DTHD1: variants seen among roughly 807,000 people sequenced by gnomAD.
The protein encoded by DTHD1 is death domain containing 1.
DTHD1 carries 59 observed loss-of-function variants against 74.8 expected under a neutral mutation model. The observed-to-expected ratio is 0.79, with a 90% CI of 0.64 to 0.98. The LOEUF is 0.98. Among genes scored for constraint, DTHD1 ranks in the 50% least tolerant of loss-of-function variants. The pLI is 0.00. For synonymous variants in DTHD1, 365 were observed against 371.1 expected (o/e 0.98, Z 0.19); for missense variants, 1,051 against 1,065.4 (o/e 0.99, Z 0.19).
At chr4:36,343,374 T>C in intron 9 of DTHD1, 128 bp from the exon 10 acceptor site, 1 of 814,214 alleles carries the variant, frequency 1.2e-6, no homozygotes, top group South Asian at 2.1e-5. Flanking sequence ...GGTAGTCTCA[T>C]ATCTCTGCAC....
At chr4:36,320,297 A>T (rs1192289442) in intron 8 of DTHD1, among the ~76,000 whole-genome samples, 1 of 152,190 alleles carries the variant, frequency 6.6e-6, no homozygotes, top group Non-Finnish European at 1.5e-5. Flanking sequence ...GAATGCATGC[A>T]ACGAACTGCG....
intron 8 of DTHD1, among the ~76,000 whole-genome samples, chr4:36,322,618 C>T (rs532277322): frequency 3.9e-5 from 6 of 152,044 alleles, no homozygotes; most frequent in Admixed American, 2.0e-4. Flanking sequence ...ATGGTCAGTG[C>T]GCATGTGAGG....
Position 36,346,061 on chromosome 4 carries a change from ACT to A in DTHD1, c.*2243_*2244del, listed in dbSNP as rs1312109101. Among the ~76,000 whole-genome samples the A allele has an allele frequency of 1.3e-5, 2 of 151,510 alleles. No individual in the cohort carries two copies. The highest frequency in any genetic ancestry group is 2.9e-5 in the Non-Finnish European group (2 of 67,848). On this transcript the variant is annotated 3_prime_UTR_variant, in exon 10 of 10. Coordinates refer to ENST00000639862, the MANE Select transcript of DTHD1 (RefSeq NM_001170700.3). ...ACCCCTCCTGCACACCCAGCTCCCA[ACT>A]CTCTCACAGAAACACACCTATTCAC...
chr4:36,340,040 G>A (rs916537558), intron 9 of DTHD1, among the ~76,000 whole-genome samples: 1 of 152,194 alleles, frequency 6.6e-6, no homozygotes, highest in African/African-American at 2.4e-5. Context: ...ATCATTAACA[G>A]TCACTGGAGA....
At chr4:36,311,720 C>T (rs1168911961) in intron 7 of DTHD1, 1 of 152,120 alleles carries the variant, frequency 6.6e-6, no homozygotes, top group Non-Finnish European at 1.5e-5. Flanking sequence ...AGGCACTGTC[C>T]TGCTGGTGGG....
At chr4:36,306,478 A>C in intron 6 of DTHD1, 126 bp downstream of exon 6, 1 of 1,062,120 alleles carries the variant, frequency 9.4e-7, no homozygotes, top group Middle Eastern at 2.7e-4. Flanking sequence ...CATTCTTTAA[A>C]GGGTACTTAA....
intron 8 of DTHD1, among the ~76,000 whole-genome samples, chr4:36,320,033 T>TA (rs1333073682): frequency 6.6e-6 from 1 of 152,210 alleles, no homozygotes; most frequent in Non-Finnish European, 1.5e-5. Context: ...CTTATCACTG[T>TA]AGTTACCATA....
chr4:36,292,430 A>C (rs902872074), intron 3 of DTHD1, among the ~76,000 whole-genome samples: 1 of 152,248 alleles, frequency 6.6e-6, no homozygotes, highest in Non-Finnish European at 1.5e-5. Context: ...ACTTTGGATT[A>C]CTTCCAAATT....
intron 7 of DTHD1, among the ~76,000 whole-genome samples, chr4:36,315,349 T>G (rs1467769625): frequency 1.3e-5 from 2 of 152,218 alleles, no homozygotes; most frequent in Non-Finnish European, 2.9e-5. Context: ...TAACACAAAT[T>G]CAATAACTAT....
At chr4:36,327,462 G>C (rs533172374) in intron 8 of DTHD1, among the ~76,000 whole-genome samples, 7 of 152,302 alleles carry the variant, frequency 4.6e-5, no homozygotes, top group African/African-American at 1.7e-4. Flanking sequence ...TCTTTGATTT[G>C]TTGAGCTGCT....
At chr4:36,292,046 T>C (rs1431454175) in intron 3 of DTHD1, among the ~76,000 whole-genome samples, 1 of 152,230 alleles carries the variant, frequency 6.6e-6, no homozygotes, top group African/African-American at 2.4e-5. Context: ...TTTTGATTTT[T>C]TCTGGGTTAC....
chr4:36,316,369 C>T lies in DTHD1; in HGVS notation c.2223C>T (p.Thr741=). ...ATAGTTGCCCTCATTACAAAGGCAC[C>T]ATTGTCGTTTATAAAGTACCTAAAG... ...GNYSCPHYKG[T]IVVYKVPKGK... is the part of the protein sequence containing the mutation. Residue 741 remains threonine (T), a synonymous_variant, in exon 8 of 10, where the codon ACC becomes ACT. Coordinates refer to ENST00000639862, the MANE Select transcript of DTHD1 (RefSeq NM_001170700.3). The T allele has an allele frequency of 6.4e-7, 1 of 1,552,138 alleles. No individual in the cohort carries two copies. The highest frequency in any genetic ancestry group is 8.7e-7 in the Non-Finnish European group (1 of 1,147,082).
intron 8 of DTHD1, among the ~76,000 whole-genome samples, chr4:36,334,816 C>T (rs1442837268): frequency 6.6e-6 from 1 of 152,210 alleles, no homozygotes; most frequent in Non-Finnish European, 1.5e-5. Flanking sequence ...AAAAACCTTG[C>T]TGTGCAGATT....
Position 36,343,593 on chromosome 4 carries a change from T to C in DTHD1, c.2490T>C (p.Arg830=). 1.3e-6 allele frequency: 2 copies of C among 1,551,798 alleles called. No homozygotes were observed. The highest frequency in any genetic ancestry group is 1.7e-6 in the Non-Finnish European group (2 of 1,146,956). The change falls in exon 10 of 10, where the codon CGT becomes CGC. Residue 830 remains arginine, a synonymous_variant. Coordinates refer to ENST00000639862, the MANE Select transcript of DTHD1 (RefSeq NM_001170700.3). The part of the protein sequence containing the change: ...ESLSSTLPLR[R]STIQLIKLKN... ...TTTCCTCAACTCTCCCTCTGCGCCG[T>C]AGCACCATTCAGCTCATCAAACTCA...
chr4:36,284,738 A>C, intron 2 of DTHD1, 147 bp downstream of exon 2: 2 of 726,570 alleles, frequency 2.8e-6, no homozygotes, highest in South Asian at 4.4e-5. Flanking sequence ...TATCTCTCAC[A>C]GTTCTGGAGG....
chr4:36,284,032 G>A lies in DTHD1; in HGVS notation c.328G>A (p.Ala110Thr). 2 of 1,537,168 alleles carry A rather than the reference G, an allele frequency of 1.3e-6. No homozygotes were observed. Among genetic ancestry groups the A allele is most frequent in the Non-Finnish European group, 1.7e-6 (2 of 1,146,866 alleles). ...IKITEHLGST[A>T]ALLKKEEKEI... ...AATAACTGAACATTTGGGGAGCACT[G>A]CTGCACTTCTAAAGAAAGAAGAAAA... Residue 110 changes from alanine to threonine, a missense_variant, in exon 2 of 10, where the codon GCT becomes ACT. Ala to Thr is a moderately conservative substitution (Grantham distance 58, BLOSUM62 0). Coordinates refer to ENST00000639862, the MANE Select transcript of DTHD1 (RefSeq NM_001170700.3).
chr4:36,339,362 C>A (rs66614478), intron 9 of DTHD1, among the ~76,000 whole-genome samples, 193 bp downstream of exon 9: 9,418 of 152,224 alleles, frequency 0.062, 451 homozygotes, highest in Admixed American at 0.17. Flanking sequence ...ATTCTTAAAT[C>A]TGCATGTAAT....
intron 8 of DTHD1, among the ~76,000 whole-genome samples, chr4:36,323,008 T>C (rs1402760719): frequency 6.6e-6 from 1 of 152,202 alleles, no homozygotes; most frequent in African/African-American, 2.4e-5. Context: ...TGTGACTGCT[T>C]TTGACTCCTT....
Position 36,284,554 on chromosome 4 carries a change from G to A in DTHD1, c.850G>A (p.Glu284Lys). ...AAATAGTACTCTTCCCAATGATTCA[G>A]AGAATATAAAGCACAAGAATAACAT... is the stretch of plus-strand genomic sequence containing the variant. ...YINSTLPNDSENIKHKNNIME... is the reference protein window; with the variant it reads ...YINSTLPNDSKNIKHKNNIME... The change falls in exon 2 of 10, where the codon GAG becomes AAG. Residue 284 changes from glutamate to lysine, a missense_variant. Transcript: ENST00000639862. The A allele has an allele frequency of 1.3e-6, 2 of 1,527,374 alleles. No homozygotes were observed. The highest frequency in any genetic ancestry group is 1.7e-6 in the Non-Finnish European group (2 of 1,143,780). 94.6% of individuals were successfully genotyped at this position (1,527,374 alleles called of 1,614,324 possible).
Sources: gnomAD v4.1 joint callset for allele counts (sites outside exome capture counted in the v4.1 genomes callset) on GRCh38, gnomAD v4.1.1 for gene constraint, MANE v1.5 for transcripts, NCBI Gene and HGNC (gene_info 2026-07-23, HGNC 2026-07-21) for gene names.